Variants in SIMC1 observed in about 807,000 individuals in gnomAD.
The protein encoded by SIMC1 is SUMO interacting motifs containing 1.
In SIMC1, 55 loss-of-function variants were observed where a neutral mutation model predicts 82.3. That is an observed-to-expected ratio of 0.67 (90% CI 0.54 to 0.84). The LOEUF (loss-of-function observed/expected upper bound fraction) is 0.84, where lower values mean the gene tolerates loss of function less well. Ranked by LOEUF, SIMC1 falls within the 40% of genes least tolerant of loss-of-function variation. The pLI is 0.00. For synonymous variants in SIMC1, 353 were observed against 426.3 expected (o/e 0.83, Z 2.12); for missense variants, 915 against 1,107.2 (o/e 0.83, Z 2.46).
chr5:176,319,876 G>A (rs1422583313), intron 5 of SIMC1, among the ~76,000 whole-genome samples: 3 of 152,026 alleles, frequency 2.0e-5, no homozygotes, highest in East Asian at 1.9e-4. Flanking sequence ...ATAGATGTCT[G>A]GTAAACCTTG....
At chr5:176,293,310 C>T (rs1763661491) in intron 2 of SIMC1, among the ~76,000 whole-genome samples, 1 of 151,596 alleles carries the variant, frequency 6.6e-6, no homozygotes, top group Non-Finnish European at 1.5e-5. Flanking sequence ...GTGGCACACA[C>T]CTATATCCTA....
At chr5:176,286,121 A>G (rs1763267897) in intron 1 of SIMC1, among the ~76,000 whole-genome samples, 1 of 152,304 alleles carries the variant, frequency 6.6e-6, no homozygotes, top group East Asian at 1.9e-4. Context: ...TCTTCTCAGA[A>G]TTGGAAAAAA....
intron 4 of SIMC1, chr5:176,308,275 TGTTCACATTC>T (rs1369071711): frequency 6.7e-7 from 1 of 1,497,394 alleles, no homozygotes; most frequent in African/African-American, 1.4e-5. Flanking sequence ...CCATCAGAAT[TGTTCACATTC>T]GTTCTGTCAT....
At chr5:176,308,048 A>G in intron 4 of SIMC1, 1 of 704,170 alleles carries the variant, frequency 1.4e-6, no homozygotes, top group Non-Finnish European at 2.6e-6. Flanking sequence ...ATTAAAAGCA[A>G]TGAGCTGGGC....
intron 4 of SIMC1, among the ~76,000 whole-genome samples, chr5:176,301,530 C>A (rs1392773047): frequency 6.6e-6 from 1 of 152,174 alleles, no homozygotes; most frequent in Non-Finnish European, 1.5e-5. Context: ...GCAATCCCAG[C>A]ACTTTGGGAG....
intron 2 of SIMC1, among the ~76,000 whole-genome samples, chr5:176,291,767 C>T (rs1039746706): frequency 6.6e-6 from 1 of 152,186 alleles, no homozygotes; most frequent in Non-Finnish European, 1.5e-5. Context: ...CATGAGCCAC[C>T]GCGCCCAGCA....
chr5:176,311,499 T>C (rs763626005), intron 4 of SIMC1, among the ~76,000 whole-genome samples: 2 of 151,568 alleles, frequency 1.3e-5, no homozygotes, highest in Non-Finnish European at 2.9e-5. Flanking sequence ...CACCTCAGCC[T>C]CCCAGAGTTC....
intron 1 of SIMC1, among the ~76,000 whole-genome samples, chr5:176,269,023 A>T (rs1026334932): frequency 1.3e-5 from 2 of 152,240 alleles, no homozygotes; most frequent in Non-Finnish European, 1.5e-5. Flanking sequence ...ATGACTACAT[A>T]TTAAAAATTG....
At chr5:176,256,398 A>G (rs963217330) in intron 1 of SIMC1, among the ~76,000 whole-genome samples, 15 of 152,250 alleles carry the variant, frequency 9.9e-5, no homozygotes, top group African/African-American at 3.6e-4. Flanking sequence ...GGTCACCACA[A>G]ATTTCTTTTG....
chr5:176,318,444 T>C (rs1765010501), intron 5 of SIMC1, among the ~76,000 whole-genome samples: 2 of 152,232 alleles, frequency 1.3e-5, no homozygotes, highest in Admixed American at 6.5e-5. Flanking sequence ...TACTAGTTTC[T>C]TCTCAAAAAT....
At chr5:176,279,761 A>C (rs1055471031) in intron 1 of SIMC1, among the ~76,000 whole-genome samples, 1 of 151,398 alleles carries the variant, frequency 6.6e-6, no homozygotes, top group Admixed American at 6.6e-5. Context: ...CAGGTTGTTC[A>C]GTTTCCATGT....
chr5:176,304,075 C>T (rs1047067100), intron 4 of SIMC1, among the ~76,000 whole-genome samples: 1 of 152,176 alleles, frequency 6.6e-6, no homozygotes, highest in Non-Finnish European at 1.5e-5. Context: ...AACTTCAGAA[C>T]TTCTGTGCAT....
chr5:176,280,906 G>T (rs957917832), intron 1 of SIMC1, among the ~76,000 whole-genome samples: 1 of 152,052 alleles, frequency 6.6e-6, no homozygotes, highest in African/African-American at 2.4e-5. Flanking sequence ...ACAATTATGT[G>T]TCTTGGAATT....
At chr5:176,251,221 G>A (rs1293731865) in intron 1 of SIMC1, among the ~76,000 whole-genome samples, 1 of 152,130 alleles carries the variant, frequency 6.6e-6, no homozygotes, top group Non-Finnish European at 1.5e-5. Context: ...TTAGCTAGGT[G>A]TGATGGCACA....
At chr5:176,283,470 A>G (rs1016262695) in intron 1 of SIMC1, among the ~76,000 whole-genome samples, 6 of 152,236 alleles carry the variant, frequency 3.9e-5, no homozygotes, top group Non-Finnish European at 5.9e-5. Context: ...AGAGAAGCAA[A>G]TGCTGAGAGA....
At chr5:176,301,954 C>T (rs1354112770) in intron 4 of SIMC1, among the ~76,000 whole-genome samples, 4 of 152,130 alleles carry the variant, frequency 2.6e-5, no homozygotes, top group African/African-American at 4.8e-5. Flanking sequence ...GTTCCAGGAC[C>T]TCCCTTGGAT....
intron 7 of SIMC1, 45 bp downstream of exon 7, chr5:176,324,802 A>T: frequency 1.2e-5 from 18 of 1,500,406 alleles, no homozygotes; most frequent in Non-Finnish European, 1.6e-5. Context: ...TAAAAAAAAA[A>T]CAAAAAAAAC....
intron 1 of SIMC1, among the ~76,000 whole-genome samples, chr5:176,276,916 A>G (rs976825683): frequency 1.1e-4 from 16 of 150,712 alleles, no homozygotes; most frequent in Admixed American, 2.0e-4. Context: ...ATACGTGTAC[A>G]TGTGTCTTTA....
chr5:176,277,054 A>G (rs1007904246), intron 1 of SIMC1, among the ~76,000 whole-genome samples: 10 of 151,574 alleles, frequency 6.6e-5, no homozygotes, highest in African/African-American at 2.4e-4. Flanking sequence ...ACTAGTTTAC[A>G]GTCCCACCAA....
Sources: gnomAD v4.1 joint callset for allele counts (sites outside exome capture counted in the v4.1 genomes callset) on GRCh38, gnomAD v4.1.1 for gene constraint, MANE v1.5 for transcripts, NCBI Gene and HGNC (gene_info 2026-07-23, HGNC 2026-07-21) for gene names.